The following HEATR1 variants were observed in gnomAD, a reference collection of about 807,000 sequenced individuals.
HEATR1 encodes the protein HEAT repeat-containing protein 1.
Under a neutral mutation model 248.2 loss-of-function variants are expected in HEATR1, and 77 were observed. The ratio of observed to expected loss-of-function variants is 0.31; its 90% CI spans 0.26 to 0.37. The LOEUF is 0.37. HEATR1 is among the 10% of genes least tolerant of loss of function. The pLI, the probability that HEATR1 is intolerant of heterozygous loss-of-function variation, is 1.00. For synonymous variants in HEATR1, 897 were observed against 923.1 expected (o/e 0.97, Z 0.51); for missense variants, 2,420 against 2,504.9 (o/e 0.97, Z 0.72).
chr1:236,587,851 AT>A, intron 13 of HEATR1, 96 bp downstream of exon 13: 1 of 827,038 alleles, frequency 1.2e-6, no homozygotes, highest in Non-Finnish European at 1.9e-6. Context: ...TGGAAAAATA[AT>A]TTCCAAAAAT....
At chr1:236,600,698 T>A (rs1036168031) in intron 3 of HEATR1, among the ~76,000 whole-genome samples, 1 of 151,516 alleles carries the variant, frequency 6.6e-6, no homozygotes, top group African/African-American at 2.4e-5. Context: ...ACCCAGCTAA[T>A]TTTTTTTTGT....
intron 33 of HEATR1, 21 bp downstream of exon 33, chr1:236,561,195 TAAAAAGTAG>T: frequency 6.6e-7 from 1 of 1,517,078 alleles, no homozygotes; most frequent in Non-Finnish European, 9.1e-7. Context: ...CATTTCCAAA[TAAAAAGTAG>T]AAAAAGAAAA....
Position 236,577,450 on chromosome 1 carries a change from T to C in HEATR1, c.2756-501A>G, listed in dbSNP as rs1402759818. 3.3e-5 allele frequency among the ~76,000 whole-genome samples: 5 copies of C among 149,562 alleles called. No homozygotes were observed. The East Asian group carries it at 1.0e-3, about 30-fold the overall frequency. ...ACAGACACATCTAAACTCTTGCGAA[T>C]GTTTTCCATAAGTACATACATATCC... On this transcript the variant is annotated intron_variant, in intron 20 of 44. Transcript: ENST00000366582.
chr1:236,558,905 T>C (rs1050201103), intron 35 of HEATR1, 90 bp downstream of exon 35: 4 of 1,107,618 alleles, frequency 3.6e-6, no homozygotes, highest in Admixed American at 2.6e-5. Context: ...CAATTTGAAA[T>C]TGTACCACTA....
rs1050751431 is a variant in HEATR1 at position 236,568,170 on chromosome 1, T to C, written c.4077+826A>G. ...CCTTCTTTCACACCGGTACAAATTC[T>C]ATTTCTTATAGAACTTTCTGGTCAT... On this transcript the variant is annotated intron_variant, in intron 29 of 44. Coordinates refer to ENST00000366582, the MANE Select transcript of HEATR1 (RefSeq NM_018072.6). Among the ~76,000 whole-genome samples, 5 of 152,250 alleles carry C rather than the reference T, an allele frequency of 3.3e-5. No individual in the cohort carries two copies. In the South Asian group the frequency reaches 1.0e-3, roughly 32 times the overall value.
At position 236,576,788 on chromosome 1, in the gene HEATR1, C is replaced by T; in HGVS notation, c.2917G>A (p.Val973Ile). 1 of 1,610,876 alleles carries T rather than the reference C, an allele frequency of 6.2e-7. No homozygotes were observed. The highest frequency in any genetic ancestry group is 8.5e-7 in the Non-Finnish European group (1 of 1,178,828). The change falls in exon 21 of 45, where the codon GTT becomes ATT. Residue 973 changes from valine (V) to isoleucine (I), a missense_variant. Physicochemically the swap from Val to Ile is conservative, Grantham distance 29. Transcript: ENST00000366582. Reference protein sequence around the residue: ...AEEITSDAAYVIQDLATLFEE... With the variant: ...AEEITSDAAYIIQDLATLFEE... ...TTTGCTAACGAGCTTACCTGAATAA[C>T]ATAGGCAGCATCTGAAGTGATCTCC...
At chr1:236,555,745 T>C (rs1458763273) in intron 39 of HEATR1, 60 bp downstream of exon 39, 10 of 1,609,920 alleles carry the variant, frequency 6.2e-6, no homozygotes, top group Middle Eastern at 1.6e-4. Context: ...TAGATTGTTC[T>C]CGGACTCTTC....
rs1340201721 is a variant in HEATR1, at chr1:236,590,919, G to A, written c.1458C>T (p.Ser486=). ...TCACAGGAGCAAGTGGATGATTCAG[G>A]CTGAGCATCAAAGAAGTATCAGAAT... ...LADSDTSLML[S]LNHPLAPVRI... is the part of the protein sequence containing the mutation. The change falls in exon 12 of 45, where the codon AGC becomes AGT. Residue 486 remains serine (S), a synonymous_variant. Transcript: ENST00000366582. 2.0e-6 allele frequency: 3 copies of A among 1,514,898 alleles called. No individual in the cohort carries two copies. Among genetic ancestry groups the A allele is most frequent in the Non-Finnish European group, 2.7e-6 (3 of 1,122,718 alleles). The allele number at this position is 1,514,898 out of a possible 1,614,324, so 93.8% of individuals were successfully genotyped here.
Position 236,566,653 on chromosome 1 carries a change from C to G in HEATR1, c.4301G>C (p.Gly1434Ala). The G allele has an allele frequency of 6.2e-7, 1 of 1,612,434 alleles. No homozygotes were observed. ...VTKTVLAAAY[G>A]EKDAILEADT... ...CCCACCCTAGGTTCTGACCTTTTCG[C>G]CATAGGCAGCCGCCAGCACTGTTTT... Residue 1434 changes from glycine to alanine, a missense_variant, in exon 30 of 45, where the codon GGC becomes GCC. Gly to Ala is a moderately conservative substitution (Grantham distance 60). Transcript: ENST00000366582.
intron 29 of HEATR1, 29 bp from the exon 30 acceptor site, chr1:236,566,905 T>C: frequency 6.9e-7 from 1 of 1,439,688 alleles, no homozygotes; most frequent in Non-Finnish European, 9.8e-7. Flanking sequence ...AGACAATGAG[T>C]AGGTGCAAGT....
rs770743522 is a variant in HEATR1, at chr1:236,552,054, C to T, written c.6291G>A (p.Glu2097=). The change falls in exon 44 of 45, where the codon GAG becomes GAA. Residue 2097 remains glutamate, a synonymous_variant. Coordinates refer to ENST00000366582, the MANE Select transcript of HEATR1 (RefSeq NM_018072.6). The part of the protein sequence containing the change: ...TVLALAEKLK[E]NYIVLLPESI... ...ATTCTGGTAGCAAGACAATATAATT[C>T]TCCTTTAGTTTTTCAGCCAGTGCTA... The T allele has an allele frequency of 6.2e-7, 1 of 1,613,604 alleles. No individual in the cohort carries two copies. The highest frequency in any genetic ancestry group is 8.5e-7 in the Non-Finnish European group (1 of 1,179,860).
In HEATR1 at chr1:236,550,824, T is replaced by G; in HGVS notation, c.*78A>C. On this transcript the variant is annotated 3_prime_UTR_variant, in exon 45 of 45. Transcript: ENST00000366582. ...GTGTATTAAGGCACCAAAAGTAACA[T>G]GGCACCCAACACCCAAAAATAAAAA... 2 of 1,106,120 alleles carry G rather than the reference T, an allele frequency of 1.8e-6. No homozygotes were observed. Among genetic ancestry groups the G allele is most frequent in the Non-Finnish European group, 2.6e-6 (2 of 759,096 alleles). 68.5% of individuals were successfully genotyped at this position (1,106,120 alleles called of 1,614,324 possible).
intron 3 of HEATR1, among the ~76,000 whole-genome samples, chr1:236,600,118 A>AAT (rs1664278590): frequency 1.4e-4 from 7 of 50,324 alleles, no homozygotes; most frequent in South Asian, 1.1e-3. Context: ...GTCTGTCAAC[A>AAT]TTTTTTTTTT....
intron 44 of HEATR1, 125 bp downstream of exon 44, chr1:236,551,874 A>ATT (rs1662762995): frequency 1.5e-6 from 1 of 664,236 alleles, no homozygotes; most frequent in Admixed American, 2.5e-5. Context: ...AGCTGCCTGT[A>ATT]TGAGGACTGG....
intron 37 of HEATR1, among the ~76,000 whole-genome samples, chr1:236,556,473 A>G (rs931039254): frequency 6.6e-6 from 1 of 152,248 alleles, no homozygotes; most frequent in Admixed American, 6.5e-5. Context: ...ACGAAGGCCG[A>G]TGGTAGACGC....
Position 236,585,157 on chromosome 1 carries a change from C to T in HEATR1, c.2109G>A (p.Thr703=), listed in dbSNP as rs774809544. ...EESFNLKQKV[T]FHVILSVLVS... is the part of the protein sequence containing the mutation. ...CGAGCACAGACAGGATCACATGAAA[C>T]GTTACTTTCTGCTTCAGGTTAAAGG... is the stretch of plus-strand genomic sequence containing the variant. Residue 703 remains threonine, a synonymous_variant, in exon 17 of 45, where the codon ACG becomes ACA. Transcript: ENST00000366582. 2.0e-5 allele frequency: 32 copies of T among 1,613,836 alleles called. No individual in the cohort carries two copies. Among genetic ancestry groups the T allele is most frequent in the Middle Eastern group, 1.6e-4 (1 of 6,084 alleles).
At position 236,559,747 on chromosome 1, in the gene HEATR1, C is replaced by T. The variant is rs369369261; in HGVS notation, c.4737G>A (p.Ala1579=). 84 of 1,613,880 alleles carry T rather than the reference C, an allele frequency of 5.2e-5. No individual in the cohort carries two copies. The highest frequency in any genetic ancestry group is 1.7e-4 in the Middle Eastern group (1 of 6,060). Residue 1579 remains alanine, a synonymous_variant, in exon 34 of 45, where the codon GCG becomes GCA. Coordinates refer to ENST00000366582, the MANE Select transcript of HEATR1 (RefSeq NM_018072.6). ...ACAGGTCGTAAGCTTTACTAAGGAG[C>T]GCGCGCCAGAACTTCACGGTGAGTT... is the stretch of plus-strand genomic sequence containing the variant. ...ADKLTVKFWR[A]LLSKAYDLLD...
chr1:236,571,354 A>T lies in HEATR1; in HGVS notation c.3945T>A (p.Phe1315Leu), dbSNP rs144916392. 5 of 1,590,690 alleles carry T rather than the reference A, an allele frequency of 3.1e-6. No homozygotes were observed. In the East Asian group the frequency reaches 1.1e-4, roughly 36 times the overall value. Residue 1315 changes from phenylalanine (F) to leucine (L), a missense_variant, in exon 28 of 45, where the codon TTT (phenylalanine) becomes TTA (leucine). Physicochemically the swap from Phe to Leu is conservative, Grantham distance 22 (BLOSUM62 0). Coordinates refer to ENST00000366582, the MANE Select transcript of HEATR1 (RefSeq NM_018072.6). ...LLLLGTVAGI[F>L]PDKVLHNIMS... Reference sequence around the variant, plus strand: ...ATCTTATATCATTAACGCTTACCGGAAATATTCCAGCAACAGTGCCCAAAA... The same window carrying T: ...ATCTTATATCATTAACGCTTACCGGTAATATTCCAGCAACAGTGCCCAAAA...
At chr1:236,575,691 A>G (rs968246731) in intron 22 of HEATR1, among the ~76,000 whole-genome samples, 1 of 152,218 alleles carries the variant, frequency 6.6e-6, no homozygotes, top group Admixed American at 6.5e-5. Context: ...GCATTTCTGT[A>G]ACACTGGGAT....
Sources: gnomAD v4.1 joint callset for allele counts (sites outside exome capture counted in the v4.1 genomes callset) on GRCh38, gnomAD v4.1.1 for gene constraint, MANE v1.5 for transcripts, NCBI Gene and HGNC (gene_info 2026-07-23, HGNC 2026-07-21) for gene names.